The following MROH2B variants were observed in gnomAD, a reference collection of about 807,000 sequenced individuals.
MROH2B encodes maestro heat-like repeat-containing protein family member 2B.
In MROH2B, 177 loss-of-function variants were observed where a neutral mutation model predicts 208.6. The observed-to-expected ratio is 0.85, with a 90% confidence interval of 0.75 to 0.96. The LOEUF is 0.96. Among genes scored for constraint, MROH2B ranks in the 40% least tolerant of loss-of-function variants. The pLI is 0.00. For missense variants in MROH2B, 2,002 were observed against 1,878.7 expected (o/e 1.07, Z -1.21); for synonymous variants, 728 against 659.0 (o/e 1.10, Z -1.60).
intron 29 of MROH2B, among the ~76,000 whole-genome samples, chr5:41,013,783 T>A (rs1469255415): frequency 6.6e-6 from 1 of 152,200 alleles, no homozygotes; most frequent in Non-Finnish European, 1.5e-5. Flanking sequence ...CTATTATGTG[T>A]CGGGCACCTT....
At chr5:41,027,341 A>G (rs1037802010) in intron 24 of MROH2B, among the ~76,000 whole-genome samples, 4 of 152,248 alleles carry the variant, frequency 2.6e-5, no homozygotes, top group African/African-American at 9.6e-5. Context: ...CAAATTTACA[A>G]GGAAAAATCA....
intron 35 of MROH2B, 58 bp from the exon 36 acceptor site, chr5:41,004,978 G>T: frequency 1.3e-6 from 2 of 1,569,882 alleles, no homozygotes; most frequent in Non-Finnish European, 1.7e-6. Context: ...TCCTTCAGGA[G>T]AGTGCCAAAG....
intron 24 of MROH2B, among the ~76,000 whole-genome samples, chr5:41,023,302 T>C (rs1364341536): frequency 6.6e-6 from 1 of 152,202 alleles, no homozygotes; most frequent in African/African-American, 2.4e-5. Flanking sequence ...GAAAAAAGAT[T>C]AGATGAATGG....
intron 30 of MROH2B, among the ~76,000 whole-genome samples, chr5:41,012,240 C>T (rs1741795508): frequency 6.6e-6 from 1 of 152,166 alleles, no homozygotes; most frequent in African/African-American, 2.4e-5. Context: ...GACTCCTGCC[C>T]TTGGTGGTTG....
chr5:41,025,666 T>A (rs1434274838), intron 24 of MROH2B, among the ~76,000 whole-genome samples: 2 of 152,038 alleles, frequency 1.3e-5, no homozygotes, highest in Non-Finnish European at 2.9e-5. Flanking sequence ...AAAGAGGGAA[T>A]CCTCCCTAAC....
intron 9 of MROH2B, 68 bp downstream of exon 9, chr5:41,057,041 C>CT (rs752379805): frequency 1.4e-5 from 21 of 1,500,842 alleles, no homozygotes; most frequent in Non-Finnish European, 1.8e-5. Context: ...GTTTGCCCTC[C>CT]TTTTACCATT....
Position 41,065,495 on chromosome 5 carries a change from G to A in MROH2B, c.202-5C>T. 4 of 1,611,064 alleles carry A rather than the reference G, an allele frequency of 2.5e-6. No individual in the cohort carries two copies. The highest frequency in any genetic ancestry group is 1.1e-5 in the South Asian group (1 of 90,524). On this transcript the variant is annotated splice_polypyrimidine_tract_variant and splice_region_variant and intron_variant, in intron 3 of 41. Coordinates refer to ENST00000399564, the MANE Select transcript of MROH2B (RefSeq NM_173489.5). ...CATTCTGATTTCTCTGAGCATCTGAGGAGGAAAAGAAAAATAACAATAACA... is the reference window on the plus strand; with the variant it reads ...CATTCTGATTTCTCTGAGCATCTGAAGAGGAAAAGAAAAATAACAATAACA...
At chr5:41,044,100 AT>A (rs1743044298) in intron 18 of MROH2B, among the ~76,000 whole-genome samples, 1 of 136,234 alleles carries the variant, frequency 7.3e-6, no homozygotes. Flanking sequence ...AAAAAAAAAA[AT>A]TAGCCGGGTG....
chr5:41,025,914 A>T (rs1046017845), intron 24 of MROH2B, among the ~76,000 whole-genome samples: 1 of 152,218 alleles, frequency 6.6e-6, no homozygotes, highest in Non-Finnish European at 1.5e-5. Flanking sequence ...TCCATCACAT[A>T]AACAGAACCA....
chr5:41,032,907 T>C, intron 23 of MROH2B, 86 bp from the exon 24 acceptor site: 1 of 1,547,032 alleles, frequency 6.5e-7, no homozygotes, highest in Non-Finnish European at 8.8e-7. Context: ...GACCATTGGG[T>C]GCCCTGGGTC....
At position 41,009,995 on chromosome 5, in the gene MROH2B, T is replaced by C. The variant is rs79005885; in HGVS notation, c.3220A>G (p.Ile1074Val). 4.6e-4 allele frequency: 749 copies of C among 1,613,878 alleles called. 5 individuals are homozygous for C. The African/African-American group carries it at 8.7e-3, about 19-fold the overall frequency. Residue 1074 changes from isoleucine to valine, a missense_variant, in exon 31 of 42, where the codon ATC becomes GTC. Transcript: ENST00000399564. ...EESFQFILEAISQIASFHMDT... is the reference protein window; with the variant it reads ...EESFQFILEAVSQIASFHMDT... Reference sequence around the variant, plus strand: ...ATGTGAAAGCTGGCTATCTGGGAGATGGCTTCTAGAATGAACTGAAAACTT... The same window carrying C: ...ATGTGAAAGCTGGCTATCTGGGAGACGGCTTCTAGAATGAACTGAAAACTT...
chr5:41,039,369 A>G lies in MROH2B; in HGVS notation c.2061+79T>C, dbSNP rs1742870294. 6.1e-6 allele frequency: 5 copies of G among 815,712 alleles called. No individual in the cohort carries two copies. In the South Asian group the frequency reaches 9.1e-5, roughly 15 times the overall value. 50.5% of individuals were successfully genotyped at this position (815,712 alleles called of 1,614,324 possible). A position where few individuals can be genotyped will look rare whatever the true frequency, so the allele number is the denominator to read the frequency against. The stretch of plus-strand genomic sequence containing the variant: ...CTGGGGACAGGAGTAAGTATAATAT[A>G]AGAAAGGATATTCACTGAAGAAATC... On this transcript the variant is annotated intron_variant, in intron 20 of 41. Coordinates refer to ENST00000399564, the MANE Select transcript of MROH2B (RefSeq NM_173489.5).
Position 41,033,832 on chromosome 5 carries a change from TCCTACC to T in MROH2B, c.2241_2241+5del. 1.1e-5 allele frequency: 16 copies of T among 1,523,174 alleles called. No individual in the cohort carries two copies. Among genetic ancestry groups the T allele is most frequent in the South Asian group, 2.4e-5 (2 of 83,218 alleles). 94.4% of individuals were successfully genotyped at this position (1,523,174 alleles called of 1,614,324 possible). A position where few individuals can be genotyped will look rare whatever the true frequency, so the allele number is the denominator to read the frequency against. ...ATCTATCTATCTATCTATCTATCTC[TCCTACC>T]TTGTTCATCACAGACATGCCCAGAA... On this transcript the variant is annotated splice_donor_variant and splice_donor_5th_base_variant and coding_sequence_variant and intron_variant, in exon 22 of 42. Transcript: ENST00000399564. LOFTEE classifies it high-confidence loss of function.
At chr5:41,057,913 C>G (rs1251860101) in intron 7 of MROH2B, 150 bp downstream of exon 7, 2 of 658,982 alleles carry the variant, frequency 3.0e-6, no homozygotes, top group African/African-American at 3.7e-5. Context: ...GCGATACAAT[C>G]TTTTTCCTAC....
At chr5:41,069,931 T>C (rs1743934454) in intron 1 of MROH2B, among the ~76,000 whole-genome samples, 179 bp from the exon 2 acceptor site, 1 of 152,214 alleles carries the variant, frequency 6.6e-6, no homozygotes, top group African/African-American at 2.4e-5. Flanking sequence ...TAAATGAAAC[T>C]AGCAGATGCT....
At chr5:41,025,598 C>T (rs1742325568) in intron 24 of MROH2B, among the ~76,000 whole-genome samples, 1 of 152,108 alleles carries the variant, frequency 6.6e-6, no homozygotes, top group South Asian at 2.1e-4. Flanking sequence ...CCGAATTCTA[C>T]CAGAGGTACA....
intron 35 of MROH2B, chr5:41,005,159 C>T (rs1438251550): frequency 7.3e-6 from 4 of 546,048 alleles, no homozygotes; most frequent in African/African-American, 1.9e-5. Context: ...TGTCTAGTCT[C>T]AATGGAAAAT....
At chr5:41,050,462 G>A (rs1743251278) in intron 13 of MROH2B, among the ~76,000 whole-genome samples, 1 of 152,126 alleles carries the variant, frequency 6.6e-6, no homozygotes, top group African/African-American at 2.4e-5. Flanking sequence ...AAATATCCCA[G>A]CTAACTCAGG....
intron 18 of MROH2B, among the ~76,000 whole-genome samples, chr5:41,045,228 C>T (rs1166497052): frequency 1.3e-5 from 2 of 152,172 alleles, no homozygotes; most frequent in African/African-American, 4.8e-5. Context: ...GGCTGTGGGT[C>T]CTTTAATCAT....
Sources: allele counts gnomAD v4.1 joint callset (sites outside exome capture counted in the v4.1 genomes callset), GRCh38; gene constraint gnomAD v4.1.1; transcripts MANE v1.5; gene names NCBI Gene and HGNC (gene_info 2026-07-23, HGNC 2026-07-21).